Variants in RBFOX1 observed in about 807,000 individuals in gnomAD.
RBFOX1 encodes the protein RNA binding fox-1 homolog 1.
A neutral mutation model predicts 57.7 loss-of-function variants in RBFOX1; 8 were observed. That is an observed-to-expected ratio of 0.14 (90% CI 0.08 to 0.25). The LOEUF is 0.25. Ranked by LOEUF, RBFOX1 falls within the 10% of genes least tolerant of loss-of-function variation. RBFOX1 has a pLI of 1.00. For synonymous variants in RBFOX1, 326 were observed against 222.4 expected (o/e 1.47, Z -4.15); for missense variants, 611 against 548.5 (o/e 1.11, Z -1.14).
At chr16:6,866,503 T>A (rs554664897) in intron 3 of RBFOX1, among the ~76,000 whole-genome samples, 25 of 148,094 alleles carry the variant, frequency 1.7e-4, no homozygotes, top group East Asian at 6.0e-4. Flanking sequence ...AGGACTTTTT[T>A]TAAAAAAAAA....
In RBFOX1 at chr16:6,195,857, T is replaced by A. The variant is rs80161307; in HGVS notation, c.-126-121138T>A. ...ATTTAAGAGCCTTCAAAGGGCCAGATTGAGTTTATGTGATTTAGGAATCAT... is the reference window on the plus strand; with the variant it reads ...ATTTAAGAGCCTTCAAAGGGCCAGAATGAGTTTATGTGATTTAGGAATCAT... On this transcript the variant is annotated intron_variant, in intron 1 of 15. Coordinates refer to ENST00000550418, the MANE Select transcript of RBFOX1 (RefSeq NM_018723.4). 7.9e-4 allele frequency among the ~76,000 whole-genome samples: 120 copies of A among 152,246 alleles called. 1 individual carries two copies. The East Asian group carries it at 0.016, about 21-fold the overall frequency.
At chr16:6,707,478 G>GTTTTTTTTTT (rs61418784) in intron 3 of RBFOX1, among the ~76,000 whole-genome samples, 22 of 128,300 alleles carry the variant, frequency 1.7e-4, no homozygotes, top group African/African-American at 3.8e-4. Context: ...TCCCATTTTT[G>GTTTTTTTTTT]TTTTTTTTTT....
chr16:7,301,927 G>A (rs761460273), intron 4 of RBFOX1, among the ~76,000 whole-genome samples: 1 of 152,090 alleles, frequency 6.6e-6, no homozygotes. Flanking sequence ...AATAAATAAA[G>A]GCAGGTAGGA....
chr16:6,887,763 A>C (rs1029710991), intron 3 of RBFOX1, among the ~76,000 whole-genome samples: 4 of 151,784 alleles, frequency 2.6e-5, no homozygotes, highest in African/African-American at 9.7e-5. Flanking sequence ...CCCAGGTTCA[A>C]GTGATTCTCC....
At chr16:7,640,222 T>C (rs2062538205) in intron 11 of RBFOX1, among the ~76,000 whole-genome samples, 1 of 152,210 alleles carries the variant, frequency 6.6e-6, no homozygotes, top group Admixed American at 6.5e-5. Flanking sequence ...GTTTGTCCTT[T>C]TTAACCAATT....
At chr16:6,112,912 G>A (rs769727868) in intron 1 of RBFOX1, among the ~76,000 whole-genome samples, 3 of 152,188 alleles carry the variant, frequency 2.0e-5, no homozygotes, top group Non-Finnish European at 4.4e-5. Context: ...CAGCTTTTAA[G>A]TATCTCCTGT....
At chr16:7,339,330 C>G (rs967673228) in intron 4 of RBFOX1, among the ~76,000 whole-genome samples, 2 of 152,204 alleles carry the variant, frequency 1.3e-5, no homozygotes, top group South Asian at 4.1e-4. Flanking sequence ...AGAACACACT[C>G]TAGATCTCTT....
intron 13 of RBFOX1, 110 bp downstream of exon 13, chr16:7,665,078 C>T: frequency 1.9e-6 from 3 of 1,601,388 alleles, no homozygotes; most frequent in Non-Finnish European, 1.7e-6. Context: ...TCTCCTTGGT[C>T]TGTAGGAAAT....
intron 4 of RBFOX1, among the ~76,000 whole-genome samples, chr16:7,376,194 A>G (rs535500102): frequency 6.6e-6 from 1 of 152,328 alleles, no homozygotes; most frequent in Non-Finnish European, 1.5e-5. Flanking sequence ...ATGTCAATAT[A>G]TATGTTGATG....
intron 2 of RBFOX1, among the ~76,000 whole-genome samples, chr16:5,554,693 C>G (rs1457412463): frequency 6.6e-6 from 1 of 152,130 alleles, no homozygotes; most frequent in Non-Finnish European, 1.5e-5. Context: ...GCAACCTATT[C>G]CCAGACACCA....
intron 3 of RBFOX1, among the ~76,000 whole-genome samples, chr16:6,977,937 G>GAAAAGAAAAAA (rs1555705867): frequency 3.4e-4 from 27 of 79,468 alleles, no homozygotes; most frequent in African/African-American, 1.1e-3. Flanking sequence ...CCTCCCCAGG[G>GAAAAGAAAAAA]AAAAAAAAAA....
At chr16:7,308,641 A>G (rs983725249) in intron 4 of RBFOX1, among the ~76,000 whole-genome samples, 5 of 152,218 alleles carry the variant, frequency 3.3e-5, no homozygotes, top group Non-Finnish European at 2.9e-5. Context: ...AAATGAAGCC[A>G]TTGCTCACTG....
At chr16:7,034,827 C>CTTTTTTTTTTTTTTTT (rs113413414) in intron 3 of RBFOX1, among the ~76,000 whole-genome samples, 2 of 54,114 alleles carry the variant, frequency 3.7e-5, no homozygotes, top group African/African-American at 8.9e-5. Context: ...TATTGCATTA[C>CTTTTTTTTTTTTTTTT]TTTTTTTTTT....
chr16:6,729,295 T>G (rs573981181), intron 3 of RBFOX1, among the ~76,000 whole-genome samples: 1 of 152,190 alleles, frequency 6.6e-6, no homozygotes, highest in East Asian at 1.9e-4. Context: ...AAGATTTGTT[T>G]AGAAGCTCCT....
intron 3 of RBFOX1, among the ~76,000 whole-genome samples, chr16:6,803,085 C>T (rs1190162034): frequency 6.6e-6 from 1 of 152,120 alleles, no homozygotes; most frequent in Non-Finnish European, 1.5e-5. Flanking sequence ...TGTTTAATTT[C>T]CCCATCACCC....
chr16:7,002,225 C>T (rs2092881950), intron 3 of RBFOX1, among the ~76,000 whole-genome samples: 1 of 152,148 alleles, frequency 6.6e-6, no homozygotes, highest in African/African-American at 2.4e-5. Context: ...GATGCTGTCA[C>T]TTGAGGCCCT....
chr16:7,213,730 G>T (rs2091559741), intron 4 of RBFOX1, among the ~76,000 whole-genome samples: 2 of 152,134 alleles, frequency 1.3e-5, no homozygotes, highest in East Asian at 1.9e-4. Flanking sequence ...GAAGGCTAGG[G>T]AATATGCTTG....
At chr16:6,223,386 T>G (rs558441049) in intron 1 of RBFOX1, among the ~76,000 whole-genome samples, 1 of 148,994 alleles carries the variant, frequency 6.7e-6, no homozygotes, top group African/African-American at 2.4e-5. Context: ...TTTTAATGAT[T>G]GCCATTCTAA....
chr16:7,163,091 C>T (rs1313611565), intron 4 of RBFOX1, among the ~76,000 whole-genome samples: 4 of 152,164 alleles, frequency 2.6e-5, no homozygotes, highest in Non-Finnish European at 4.4e-5. Context: ...CAGTAGGGCA[C>T]CCATAAATAA....
Sources: allele counts gnomAD v4.1 joint callset (sites outside exome capture counted in the v4.1 genomes callset), GRCh38; gene constraint gnomAD v4.1.1; transcripts MANE v1.5; gene names NCBI Gene and HGNC (gene_info 2026-07-23, HGNC 2026-07-21).